BABAM2: variants seen among roughly 807,000 people sequenced by gnomAD.
BABAM2 encodes BRISC and BRCA1-A complex member 2.
A neutral mutation model predicts 54.7 loss-of-function variants in BABAM2; 31 were observed. That is an observed-to-expected ratio of 0.57 (90% CI 0.43 to 0.77). BABAM2 has a LOEUF of 0.77. Ranked by LOEUF, BABAM2 falls within the 30% of genes least tolerant of loss-of-function variation. BABAM2 has a pLI of 0.00. For missense variants in BABAM2, 364 were observed against 455.8 expected, an observed-to-expected ratio of 0.80 and a Z score of 1.83; for synonymous variants, 167 against 162.9, an observed-to-expected ratio of 1.03 and a Z score of -0.19.
intron 11 of BABAM2, among the ~76,000 whole-genome samples, chr2:28,306,105 C>T (rs991477005): frequency 1.3e-5 from 2 of 152,048 alleles, no homozygotes; most frequent in African/African-American, 4.8e-5. Context: ...TGATTTCAAG[C>T]CTTTGGAATT....
At chr2:28,013,730 C>CACGT (rs1553411799) in intron 4 of BABAM2, among the ~76,000 whole-genome samples, 5 of 136,894 alleles carry the variant, frequency 3.7e-5, no homozygotes, top group Admixed American at 7.2e-5. Flanking sequence ...CACACACACA[C>CACGT]GTGTGTGTGT....
At chr2:28,045,462 G>A (rs1188080886) in intron 5 of BABAM2, among the ~76,000 whole-genome samples, 1 of 151,992 alleles carries the variant, frequency 6.6e-6, no homozygotes, top group Non-Finnish European at 1.5e-5. Context: ...AAACAAAAAG[G>A]CAATTCTGCT....
intron 10 of BABAM2, among the ~76,000 whole-genome samples, chr2:28,274,105 A>G (rs1685669044): frequency 1.3e-5 from 2 of 152,114 alleles, no homozygotes; most frequent in Admixed American, 1.3e-4. Flanking sequence ...CACATTAATC[A>G]TTTCAAGACA....
At chr2:28,259,009 T>C (rs1213358380) in intron 10 of BABAM2, among the ~76,000 whole-genome samples, 3 of 139,428 alleles carry the variant, frequency 2.2e-5, no homozygotes, top group Non-Finnish European at 4.6e-5. Flanking sequence ...TCTCTTGTCC[T>C]CATGATCCAC....
chr2:28,081,866 G>GT (rs58764235), intron 6 of BABAM2, among the ~76,000 whole-genome samples: 1 of 152,156 alleles, frequency 6.6e-6, no homozygotes, highest in African/African-American at 2.4e-5. Flanking sequence ...ATGGGGATAT[G>GT]TTTTATCAAA....
intron 6 of BABAM2, among the ~76,000 whole-genome samples, chr2:28,089,712 T>C (rs978809002): frequency 6.6e-6 from 1 of 152,222 alleles, no homozygotes; most frequent in Non-Finnish European, 1.5e-5. Context: ...TTTCAAATCT[T>C]ATGAGTAAGA....
rs116848460 is a variant in BABAM2, at chr2:28,148,413, C to T, written c.680+19033C>T. On this transcript the variant is annotated intron_variant, in intron 7 of 11. Transcript: ENST00000379624. ...TAGGTTGGTTATTTGGACTCTGGAA[C>T]GTGTTTTGCCATGGAAACCATTTAG... Among the ~76,000 whole-genome samples the T allele has an allele frequency of 1.9e-3, 286 of 152,286 alleles. 4 individuals carry two copies. The East Asian group carries it at 0.036, about 19-fold the overall frequency.
intron 6 of BABAM2, among the ~76,000 whole-genome samples, chr2:28,056,496 C>CT (rs915817427): frequency 6.6e-6 from 1 of 151,768 alleles, no homozygotes; most frequent in Non-Finnish European, 1.5e-5. Context: ...GTGCTTCTTT[C>CT]TTTTTTTCAA....
chr2:28,299,549 A>G (rs1245379613), intron 11 of BABAM2, among the ~76,000 whole-genome samples: 1 of 152,172 alleles, frequency 6.6e-6, no homozygotes, highest in Non-Finnish European at 1.5e-5. Context: ...AATATAGACT[A>G]TCTATTAGGC....
At chr2:27,950,312 A>G (rs1318695427) in intron 3 of BABAM2, among the ~76,000 whole-genome samples, 2 of 152,230 alleles carry the variant, frequency 1.3e-5, no homozygotes, top group Non-Finnish European at 2.9e-5. Context: ...TTCATTAGCA[A>G]TTAATAAAGT....
At chr2:27,966,701 C>T (rs1670868614) in intron 3 of BABAM2, among the ~76,000 whole-genome samples, 2 of 152,244 alleles carry the variant, frequency 1.3e-5, no homozygotes, top group Admixed American at 1.3e-4. Context: ...AAATGTCTGG[C>T]TGGCCGTAGT....
chr2:27,940,050 A>G (rs1314992622), intron 3 of BABAM2, among the ~76,000 whole-genome samples: 1 of 152,226 alleles, frequency 6.6e-6, no homozygotes, highest in African/African-American at 2.4e-5. Flanking sequence ...GGATATCCTA[A>G]GTAAAGAGAA....
chr2:28,270,604 G>A (rs1258491449), intron 10 of BABAM2, among the ~76,000 whole-genome samples: 3 of 152,234 alleles, frequency 2.0e-5, no homozygotes, highest in Admixed American at 2.0e-4. Context: ...TACCACCTTC[G>A]TCTTTCCTGA....
At chr2:28,266,944 T>G (rs1197730896) in intron 10 of BABAM2, among the ~76,000 whole-genome samples, 1 of 152,198 alleles carries the variant, frequency 6.6e-6, no homozygotes, top group Admixed American at 6.5e-5. Context: ...TCAGCTGAGA[T>G]CAGGAATTCG....
chr2:28,099,946 A>T (rs1274417788), intron 6 of BABAM2, among the ~76,000 whole-genome samples: 2 of 152,066 alleles, frequency 1.3e-5, no homozygotes, highest in Non-Finnish European at 1.5e-5. Flanking sequence ...ATTAAAAAAA[A>T]ATTTCTAACG....
intron 7 of BABAM2, among the ~76,000 whole-genome samples, chr2:28,208,772 T>C (rs1296065958): frequency 6.6e-6 from 1 of 152,210 alleles, no homozygotes; most frequent in African/African-American, 2.4e-5. Context: ...AGTACATACA[T>C]AGGATTTCAC....
At chr2:27,982,828 A>G (rs1672112065) in intron 3 of BABAM2, among the ~76,000 whole-genome samples, 1 of 141,664 alleles carries the variant, frequency 7.1e-6, no homozygotes, top group South Asian at 2.3e-4. Context: ...AAGGCTGAAT[A>G]ATATTTCATT....
intron 6 of BABAM2, among the ~76,000 whole-genome samples, chr2:28,110,657 A>T (rs1178125116): frequency 6.6e-6 from 1 of 151,930 alleles, no homozygotes; most frequent in Non-Finnish European, 1.5e-5. Flanking sequence ...AAAATAAAAT[A>T]AAAAAACACA....
intron 6 of BABAM2, among the ~76,000 whole-genome samples, chr2:28,073,836 G>T (rs981389928): frequency 6.6e-6 from 1 of 152,058 alleles, no homozygotes; most frequent in Admixed American, 6.6e-5. Flanking sequence ...GGGAGTGGGG[G>T]AGGTACTCTT....
Sources: gnomAD v4.1 joint callset for allele counts (sites outside exome capture counted in the v4.1 genomes callset) on GRCh38, gnomAD v4.1.1 for gene constraint, MANE v1.5 for transcripts, NCBI Gene and HGNC (gene_info 2026-07-23, HGNC 2026-07-21) for gene names.